The following BDP1 variants were observed in gnomAD, a reference collection of about 807,000 sequenced individuals.
BDP1 encodes BDP1 general transcription factor IIIB subunit.
Under a neutral mutation model 266.6 loss-of-function variants are expected in BDP1, and 169 were observed. The ratio of observed to expected loss-of-function variants is 0.63; its 90% CI spans 0.56 to 0.72. BDP1 has a LOEUF of 0.72. Ranked by LOEUF, BDP1 falls within the 30% of genes least tolerant of loss-of-function variation. The probability of loss-of-function intolerance (pLI) is 0.00; values close to 1 mark genes in which losing one functional copy is unlikely to be tolerated. For synonymous variants in BDP1, 1,090 were observed against 1,022.4 expected, an observed-to-expected ratio of 1.07 and a Z score of -1.26; for missense variants, 3,015 against 3,053.8, an observed-to-expected ratio of 0.99 and a Z score of 0.30.
intron 11 of BDP1, 182 bp from the exon 12 acceptor site, chr5:71,495,068 A>C (rs928647773): frequency 7.8e-6 from 3 of 384,598 alleles, no homozygotes; most frequent in African/African-American, 2.1e-5. Context: ...CTGGAGGTAC[A>C]GTTTTTATAA....
intron 19 of BDP1, 84 bp from the exon 20 acceptor site, chr5:71,514,860 A>C (rs1458468308): frequency 1.1e-6 from 1 of 921,938 alleles, no homozygotes; most frequent in Non-Finnish European, 1.6e-6. Flanking sequence ...TTCTTCACGA[A>C]GATGATATCA....
chr5:71,513,513 G>C lies in BDP1; in HGVS notation c.4470+106G>C, dbSNP rs142758976. 1.6e-3 allele frequency: 1,164 copies of C among 732,108 alleles called. 13 individuals are homozygous for C. In the African/African-American group the frequency reaches 0.019, roughly 12 times the overall value. The allele number at this position is 732,108 out of a possible 1,614,324, so 45.4% of individuals were successfully genotyped here. Reference sequence around the variant, plus strand: ...ATTAAAATTCTACAAATATTTCTGTGTAATTTTTGCTGCATGTGATATTGC... The same window carrying C: ...ATTAAAATTCTACAAATATTTCTGTCTAATTTTTGCTGCATGTGATATTGC... On this transcript the variant is annotated intron_variant, in intron 19 of 38. Transcript: ENST00000358731.
chr5:71,528,374 A>G (rs940042998), intron 25 of BDP1, among the ~76,000 whole-genome samples: 5 of 152,102 alleles, frequency 3.3e-5, no homozygotes, highest in East Asian at 1.9e-4. Flanking sequence ...TGTAACTTCA[A>G]AGTTTTCTGT....
chr5:71,573,504 AAGTG>A, the BDP1 span, among the ~76,000 whole-genome samples: 1 of 152,218 alleles, frequency 6.6e-6, no homozygotes, highest in Non-Finnish European at 1.5e-5. Flanking sequence ...AAGGAATTAA[AAGTG>A]AGTGTGGTAA....
intron 24 of BDP1, 89 bp downstream of exon 24, chr5:71,523,038 G>A: frequency 8.9e-7 from 1 of 1,121,754 alleles, no homozygotes; most frequent in Non-Finnish European, 1.2e-6. Context: ...AAAATTTTTG[G>A]GTGTTGAGTC....
Position 71,458,769 on chromosome 5 carries a change from G to A in BDP1, c.403G>A (p.Glu135Lys), listed in dbSNP as rs1761357666. ...APQPTATSTK[E>K]KQPCSDRYRI... ...ACAGCCAACTGCCACTTCAACAAAA[G>A]AGAAACAGCCATGCTCAGACAGATA... The change falls in exon 2 of 39, where the codon GAG (glutamate) becomes AAG (lysine). Residue 135 changes from glutamate (E) to lysine (K), a missense_variant. By Grantham distance (56) the Glu-to-Lys change is moderately conservative (BLOSUM62 1). Transcript: ENST00000358731. The A allele has an allele frequency of 1.2e-6, 2 of 1,613,956 alleles. No individual in the cohort carries two copies. Among genetic ancestry groups the A allele is most frequent in the African/African-American group, 1.3e-5 (1 of 74,922 alleles).
intron 2 of BDP1, among the ~76,000 whole-genome samples, chr5:71,460,855 A>G (rs1199789307): frequency 1.4e-5 from 2 of 144,762 alleles, no homozygotes; most frequent in African/African-American, 5.1e-5. Flanking sequence ...AAATACACAG[A>G]ATTTCAAGTC....
intron 19 of BDP1, 86 bp from the exon 20 acceptor site, chr5:71,514,858 G>A (rs182069930): frequency 2.1e-5 from 19 of 910,848 alleles, no homozygotes; most frequent in Admixed American, 2.1e-4. Flanking sequence ...TATTCTTCAC[G>A]AAGATGATAT....
At position 71,461,676 on chromosome 5, in the gene BDP1, C is replaced by T. The variant is rs1208804282; in HGVS notation, c.490-141C>T. 6 of 537,868 alleles carry T rather than the reference C, an allele frequency of 1.1e-5. No homozygotes were observed. In the Admixed American group the frequency reaches 1.4e-4, roughly 12 times the overall value. The allele number at this position is 537,868 out of a possible 1,614,324, so 33.3% of individuals were successfully genotyped here. On this transcript the variant is annotated intron_variant, in intron 2 of 38. Coordinates refer to ENST00000358731, the MANE Select transcript of BDP1 (RefSeq NM_018429.3). ...AATGTGCTACAACTTTTTAATATTC[C>T]ATCTACAAAATTACATAATTGGGGT...
chr5:71,488,260 G>C (rs1038023021), intron 9 of BDP1, among the ~76,000 whole-genome samples: 2 of 151,938 alleles, frequency 1.3e-5, no homozygotes, highest in African/African-American at 2.4e-5. Flanking sequence ...TGAGTAGCTG[G>C]AATTACAGGC....
chr5:71,562,710 T>G (rs1205903061), intron 38 of BDP1, 190 bp downstream of exon 38: 1 of 1,485,164 alleles, frequency 6.7e-7, no homozygotes, highest in African/African-American at 1.4e-5. Flanking sequence ...AAGTTACAGT[T>G]AGATTAGTAC....
At chr5:71,569,422 A>G (rs905366036), downstream of BDP1, among the ~76,000 whole-genome samples, 1 of 151,864 alleles carries the variant, frequency 6.6e-6, no homozygotes, top group East Asian at 1.9e-4. Flanking sequence ...AGCCTGGGTC[A>G]CAGAGTGAGA....
intron 16 of BDP1, among the ~76,000 whole-genome samples, chr5:71,506,786 A>AACACAC (rs70992971): frequency 0.083 from 5,328 of 64,360 alleles, 134 homozygotes; most frequent in Middle Eastern, 0.29. Context: ...ATATATTTGA[A>AACACAC]ACACACACAC....
intron 22 of BDP1, among the ~76,000 whole-genome samples, chr5:71,521,898 G>A (rs1017493928): frequency 2.0e-5 from 3 of 151,408 alleles, no homozygotes; most frequent in Non-Finnish European, 4.4e-5. Flanking sequence ...TTCATGCTTT[G>A]GGGGCCCAGT....
At chr5:71,458,452 C>G (rs141016828) in intron 1 of BDP1, 127 bp from the exon 2 acceptor site, 6 of 708,892 alleles carry the variant, frequency 8.5e-6, no homozygotes, top group Middle Eastern at 4.2e-4. Flanking sequence ...TCATAAATCT[C>G]AAGTTACTAA....
intron 6 of BDP1, among the ~76,000 whole-genome samples, chr5:71,470,120 C>T (rs558111643): frequency 1.2e-4 from 19 of 152,080 alleles, no homozygotes; most frequent in South Asian, 4.1e-4. Context: ...GGATTACAGG[C>T]GTGAACCACC....
At chr5:71,534,781 A>G (rs1287541336) in intron 26 of BDP1, among the ~76,000 whole-genome samples, 1 of 152,170 alleles carries the variant, frequency 6.6e-6, no homozygotes, top group Non-Finnish European at 1.5e-5. Flanking sequence ...AGCTGGGATT[A>G]CAGGCATATG....
chr5:71,547,369 A>C (rs886734578), intron 32 of BDP1, among the ~76,000 whole-genome samples: 1 of 152,016 alleles, frequency 6.6e-6, no homozygotes, highest in Admixed American at 6.6e-5. Context: ...TTCAACTTAC[A>C]TATTTTAGGG....
Position 71,566,340 on chromosome 5 carries a change from G to A in BDP1, c.*1455G>A, listed in dbSNP as rs1017951163. On this transcript the variant is annotated 3_prime_UTR_variant, in exon 39 of 39. Coordinates refer to ENST00000358731, the MANE Select transcript of BDP1 (RefSeq NM_018429.3). ...TTTAAGCACGGAACATAATCATGAT[G>A]TTAAAAACAGAGAAAATAAGGCTTT... is the stretch of plus-strand genomic sequence containing the variant. The A allele has an allele frequency of 3.9e-4, 60 of 152,454 alleles. No individual in the cohort carries two copies. Among genetic ancestry groups the A allele is most frequent in the African/African-American group, 1.4e-3 (59 of 41,538 alleles). The allele number at this position is 152,454 out of a possible 1,614,324, so 9.4% of individuals were successfully genotyped here. A position where few individuals can be genotyped will look rare whatever the true frequency, so the allele number is the denominator to read the frequency against.
Sources: allele counts gnomAD v4.1 joint callset (sites outside exome capture counted in the v4.1 genomes callset), GRCh38; gene constraint gnomAD v4.1.1; transcripts MANE v1.5; gene names NCBI Gene and HGNC (gene_info 2026-07-23, HGNC 2026-07-21).